The following EIF3B variants were observed in gnomAD, a reference collection of about 807,000 sequenced individuals.
EIF3B encodes eukaryotic translation initiation factor 3 subunit 9.
In EIF3B, 10 loss-of-function variants were observed where a neutral mutation model predicts 104.6. The ratio of observed to expected loss-of-function variants is 0.10; its 90% CI spans 0.06 to 0.16. The LOEUF (loss-of-function observed/expected upper bound fraction) is 0.16, where lower values mean the gene tolerates loss of function less well. Among genes scored for constraint, EIF3B ranks in the 10% least tolerant of loss-of-function variants. The pLI is 1.00. For synonymous variants in EIF3B, 542 were observed against 417.2 expected (o/e 1.30, Z -3.65); for missense variants, 1,014 against 1,087.9 (o/e 0.93, Z 0.96).
intron 9 of EIF3B, 40 bp from the exon 10 acceptor site, chr7:2,369,432 C>G (rs761204844): frequency 3.7e-6 from 6 of 1,600,750 alleles, no homozygotes; most frequent in Non-Finnish European, 5.1e-6. Flanking sequence ...TTCGTCATCA[C>G]TTGGTCTTTG....
chr7:2,366,693 A>G, intron 8 of EIF3B, 102 bp downstream of exon 8: 1 of 1,353,382 alleles, frequency 7.4e-7, no homozygotes, highest in Non-Finnish European at 1.0e-6. Flanking sequence ...AGGAGGTTTC[A>G]CAGATGCATA....
rs1276336941 is a variant in EIF3B, at chr7:2,366,983, C to A, written c.1357-16C>A. The A allele has an allele frequency of 1.2e-6, 2 of 1,610,758 alleles. No individual in the cohort carries two copies. Among genetic ancestry groups the A allele is most frequent in the Admixed American group, 3.4e-5 (2 of 59,148 alleles). On this transcript the variant is annotated splice_polypyrimidine_tract_variant and intron_variant, in intron 8 of 18. Coordinates refer to ENST00000360876, the MANE Select transcript of EIF3B (RefSeq NM_001037283.2). ...CATGATTTGACTCAACTGCAGCCTT[C>A]CTTTTTTTTGGGCAGTCTATGGGTC...
At chr7:2,369,933 C>T (rs1477026344) in intron 10 of EIF3B, among the ~76,000 whole-genome samples, 1 of 151,850 alleles carries the variant, frequency 6.6e-6, no homozygotes, top group Non-Finnish European at 1.5e-5. Context: ...TCCACCACCA[C>T]GCTTGGCTAA....
chr7:2,363,378 GAGCCTGGGAGGTT>G (rs1779843444), intron 4 of EIF3B, among the ~76,000 whole-genome samples: 1 of 97,476 alleles, frequency 1.0e-5, no homozygotes, highest in Non-Finnish European at 2.6e-5. Context: ...AGGATCACTT[GAGCCTGGGAGGTT>G]GAGCCTGGGA....
intron 9 of EIF3B, 139 bp from the exon 10 acceptor site, chr7:2,369,333 C>T (rs1353397849): frequency 4.2e-5 from 37 of 876,910 alleles, no homozygotes; most frequent in Non-Finnish European, 6.8e-5. Context: ...AGAGCAGTGG[C>T]TGTGCAGAGG....
In EIF3B at chr7:2,360,772, G is replaced by A. The variant is rs1339968722; in HGVS notation, c.562G>A (p.Val188Ile). Residue 188 changes from valine to isoleucine, a missense_variant, in exon 2 of 19, where the codon GTA becomes ATA. By Grantham distance (29) the Val-to-Ile change is conservative. Around this residue, in one of 4 missense-constraint regions of EIF3B, gnomAD observed 488 missense variants for 404.3 expected, o/e 1.21. Coordinates refer to ENST00000360876, the MANE Select transcript of EIF3B (RefSeq NM_001037283.2). ...AGCAGATGGAATCGATTCGGTGATTGTAGTGGACAATGTCCCTCAGGTGGG... is the reference window on the plus strand; with the variant it reads ...AGCAGATGGAATCGATTCGGTGATTATAGTGGACAATGTCCCTCAGGTGGG... Reference protein sequence around the residue: ...QEADGIDSVIVVDNVPQVGPD... With the variant: ...QEADGIDSVIIVDNVPQVGPD... 2.5e-6 allele frequency: 4 copies of A among 1,611,174 alleles called. No homozygotes were observed. The highest frequency in any genetic ancestry group is 3.4e-6 in the Non-Finnish European group (4 of 1,177,570).
chr7:2,364,670 G>A, intron 6 of EIF3B, 141 bp downstream of exon 6: 1 of 759,050 alleles, frequency 1.3e-6, no homozygotes, highest in Non-Finnish European at 2.1e-6. Flanking sequence ...TTTTTACTGA[G>A]ATCTTCTCAC....
At chr7:2,361,114 A>G (rs919773350) in intron 2 of EIF3B, among the ~76,000 whole-genome samples, 2 of 152,120 alleles carry the variant, frequency 1.3e-5, no homozygotes, top group Non-Finnish European at 2.9e-5. Context: ...AAAGTTTTTA[A>G]AATTATCTAG....
Position 2,376,950 on chromosome 7 carries a change from G to T in EIF3B, c.2029G>T (p.Val677Leu), listed in dbSNP as rs981973735. The change falls in exon 15 of 19, where the codon GTG becomes TTG. Residue 677 changes from valine to leucine, a missense_variant and splice_region_variant. Transcript: ENST00000360876. ...VTSVSWWSHK[V>L]DNAYWLWTFQ... ...CTGGTGTGTCCCTGCCCTGGCCTAG[G>T]TGGACAACGCGTACTGGCTGTGGAC... The T allele has an allele frequency of 2.5e-6, 4 of 1,613,272 alleles. No homozygotes were observed. The African/African-American group carries it at 5.3e-5, about 22-fold the overall frequency.
chr7:2,371,540 C>G (rs1365672866), intron 10 of EIF3B, among the ~76,000 whole-genome samples: 2 of 152,160 alleles, frequency 1.3e-5, no homozygotes, highest in Non-Finnish European at 2.9e-5. Flanking sequence ...GAGGTGGGAT[C>G]TGGGTCAGAG....
In EIF3B at chr7:2,354,844, G is replaced by C. The variant is rs1044053146; in HGVS notation, c.-78G>C. On this transcript the variant is annotated 5_prime_UTR_variant, in exon 1 of 19. Transcript: ENST00000360876. ...GCACGCACATGGCTGGGCTGTAGCC[G>C]TCGCGGCGCGCGGTGCGGCCTGGGA... 2 of 1,052,856 alleles carry C rather than the reference G, an allele frequency of 1.9e-6. No individual in the cohort carries two copies. Among genetic ancestry groups the C allele is most frequent in the East Asian group, 1.4e-4 (2 of 14,406 alleles). 65.2% of individuals were successfully genotyped at this position (1,052,856 alleles called of 1,614,324 possible).
At chr7:2,371,896 GT>G in intron 11 of EIF3B, 47 bp downstream of exon 11, 1 of 1,482,704 alleles carries the variant, frequency 6.7e-7, no homozygotes, top group Non-Finnish European at 9.4e-7. Flanking sequence ...CCTACGTGCT[GT>G]TTTACTCTTG....
intron 15 of EIF3B, 112 bp from the exon 16 acceptor site, chr7:2,378,577 G>A (rs1222769294): frequency 1.0e-5 from 9 of 890,340 alleles, no homozygotes; most frequent in Non-Finnish European, 1.6e-5. Context: ...CTCCTGGGAA[G>A]CTGTGTTCTG....
chr7:2,367,555 C>T (rs1252316942), intron 9 of EIF3B, among the ~76,000 whole-genome samples: 1 of 152,196 alleles, frequency 6.6e-6, no homozygotes, highest in Admixed American at 6.5e-5. Flanking sequence ...CTGCAACCTC[C>T]ACCTCCTGGG....
At chr7:2,371,990 C>T (rs907140721) in intron 11 of EIF3B, 141 bp downstream of exon 11, 20 of 689,450 alleles carry the variant, frequency 2.9e-5, no homozygotes, top group Admixed American at 4.8e-5. Flanking sequence ...ATCTCCAGGT[C>T]ACAGAACGTG....
At chr7:2,368,593 T>C (rs1043226855) in intron 9 of EIF3B, among the ~76,000 whole-genome samples, 1 of 152,200 alleles carries the variant, frequency 6.6e-6, no homozygotes, top group Non-Finnish European at 1.5e-5. Context: ...GCCAGAGCCT[T>C]GAGTCGGCTT....
At chr7:2,375,093 G>C in intron 13 of EIF3B, 1 of 440,566 alleles carries the variant, frequency 2.3e-6, no homozygotes, top group South Asian at 3.2e-5. Context: ...TTTTGTTGCT[G>C]CTCTCCCTTG....
intron 10 of EIF3B, 83 bp downstream of exon 10, chr7:2,369,765 ATTTTTTTTTTTTT>A (rs552367791): frequency 1.4e-4 from 51 of 366,228 alleles, no homozygotes; most frequent in Middle Eastern, 7.6e-4. Context: ...GTGTTAATGG[ATTTTTTTTTTTTT>A]TTTTTTTTTT....
chr7:2,374,832 G>C, intron 13 of EIF3B: 1 of 443,580 alleles, frequency 2.3e-6, no homozygotes, highest in Non-Finnish European at 4.0e-6. Context: ...AGATGCTTTC[G>C]TGAAGTGACC....
Sources: gnomAD v4.1 joint callset for allele counts (sites outside exome capture counted in the v4.1 genomes callset) on GRCh38, gnomAD v4.1.1 for gene constraint, gnomAD v4.1.1 regional missense constraint, MANE v1.5 for transcripts, NCBI Gene and HGNC (gene_info 2026-07-23, HGNC 2026-07-21) for gene names.